ALKBH8: variants seen among roughly 807,000 people sequenced by gnomAD.
ALKBH8 encodes the protein alkB homolog 8, tRNA methyltransferase.
In ALKBH8, 36 loss-of-function variants were observed where a neutral mutation model predicts 59.8. The observed-to-expected ratio is 0.60, with a 90% CI of 0.46 to 0.79. The LOEUF is 0.79. Ranked by LOEUF, ALKBH8 falls within the 30% of genes least tolerant of loss-of-function variation. ALKBH8 has a pLI of 0.00. For synonymous variants in ALKBH8, 276 were observed against 273.6 expected (o/e 1.01, Z -0.09); for missense variants, 768 against 801.0 (o/e 0.96, Z 0.50).
intron 11 of ALKBH8, among the ~76,000 whole-genome samples, chr11:107,505,840 A>T (rs1862360729): frequency 6.6e-6 from 1 of 152,228 alleles, no homozygotes; most frequent in African/African-American, 2.4e-5. Context: ...TATGAGCAGA[A>T]TGCAGAGGCC....
rs1862300458 is a variant in ALKBH8, at chr11:107,504,681, ACC to A, written c.1970_1971del (p.Trp657LeufsTer31). On this transcript the variant is annotated frameshift_variant, in exon 12 of 12. Transcript: ENST00000428149. LOFTEE classifies it high-confidence loss of function. ...AATCAGGCCTTTTGAAGAATCACAC[ACC>A]AGTTTCCTTGATCGTAGTAGCTTTG... ...ILQSYYDQGN[W>X]CVILQKA 5.2e-6 allele frequency: 8 copies of A among 1,548,590 alleles called. No homozygotes were observed. The highest frequency in any genetic ancestry group is 3.5e-6 in the Non-Finnish European group (4 of 1,145,642).
chr11:107,533,624 GATTA>G (rs968634998), intron 7 of ALKBH8, among the ~76,000 whole-genome samples: 1 of 152,108 alleles, frequency 6.6e-6, no homozygotes, highest in African/African-American at 2.4e-5. Context: ...AAACACCGGA[GATTA>G]ATTCTGAAGT....
At chr11:107,565,380 G>A in intron 1 of ALKBH8, 2 of 610,044 alleles carry the variant, frequency 3.3e-6, no homozygotes, top group Non-Finnish European at 5.7e-6. Flanking sequence ...CCACGTGAGC[G>A]CCCGAACCAA....
At chr11:107,559,032 ATT>A (rs1328226037) in intron 2 of ALKBH8, among the ~76,000 whole-genome samples, 3 of 152,210 alleles carry the variant, frequency 2.0e-5, no homozygotes, top group African/African-American at 7.2e-5. Context: ...CATGGGGGCC[ATT>A]TCCCCTATAA....
At chr11:107,561,757 C>T (rs992331918) in intron 1 of ALKBH8, among the ~76,000 whole-genome samples, 10 of 152,086 alleles carry the variant, frequency 6.6e-5, no homozygotes, top group Non-Finnish European at 1.5e-4. Context: ...CCCAAGAGAG[C>T]AGGAATGCCA....
chr11:107,554,998 A>G (rs111374626), intron 3 of ALKBH8, among the ~76,000 whole-genome samples: 2,031 of 152,314 alleles, frequency 0.013, 39 homozygotes, highest in African/African-American at 0.046. Context: ...GGTGGCTCAC[A>G]CTTATAATCC....
intron 8 of ALKBH8, among the ~76,000 whole-genome samples, chr11:107,529,979 A>T (rs1469655793): frequency 6.6e-6 from 1 of 152,172 alleles, no homozygotes; most frequent in Non-Finnish European, 1.5e-5. Context: ...GCCCCCACCT[A>T]AAGAATGCTA....
At chr11:107,524,851 A>C (rs1231686870) in intron 9 of ALKBH8, among the ~76,000 whole-genome samples, 3 of 152,212 alleles carry the variant, frequency 2.0e-5, no homozygotes, top group Non-Finnish European at 4.4e-5. Flanking sequence ...ACAAAATATT[A>C]TTTACAAAAT....
chr11:107,542,286 C>T (rs1204267293), intron 7 of ALKBH8, among the ~76,000 whole-genome samples: 1 of 151,720 alleles, frequency 6.6e-6, no homozygotes, highest in Non-Finnish European at 1.5e-5. Context: ...AAAAATAAAA[C>T]AAAAGATAAA....
At chr11:107,530,100 T>C (rs1033284818) in intron 8 of ALKBH8, among the ~76,000 whole-genome samples, 1 of 152,204 alleles carries the variant, frequency 6.6e-6, no homozygotes, top group Non-Finnish European at 1.5e-5. Flanking sequence ...TGAAAACTCC[T>C]AATTTTTATA....
chr11:107,541,893 C>A (rs536920461), intron 7 of ALKBH8, among the ~76,000 whole-genome samples: 2 of 151,724 alleles, frequency 1.3e-5, no homozygotes, highest in Admixed American at 1.3e-4. Context: ...GGAACAGAAA[C>A]GATAAAAAAG....
chr11:107,538,921 A>G (rs1863928301), intron 7 of ALKBH8, among the ~76,000 whole-genome samples: 1 of 152,250 alleles, frequency 6.6e-6, no homozygotes, highest in South Asian at 2.1e-4. Flanking sequence ...TGTGATTCAT[A>G]GAGAATGATA....
intron 2 of ALKBH8, among the ~76,000 whole-genome samples, chr11:107,559,169 G>A (rs1215101902): frequency 1.3e-5 from 2 of 152,120 alleles, no homozygotes; most frequent in Non-Finnish European, 2.9e-5. Flanking sequence ...CTTCTGCCAC[G>A]ATTGTGAGGC....
At chr11:107,556,491 G>C (rs118135177) in intron 3 of ALKBH8, among the ~76,000 whole-genome samples, 1 of 152,278 alleles carries the variant, frequency 6.6e-6, no homozygotes, top group South Asian at 2.1e-4. Context: ...AATTAGGCAG[G>C]AGGGTTCCAA....
intron 1 of ALKBH8, chr11:107,565,156 C>T (rs757499275): frequency 1.7e-5 from 3 of 175,298 alleles, no homozygotes; most frequent in Non-Finnish European, 3.6e-5. Context: ...AACAGGCTGA[C>T]GCTACCAGAG....
At chr11:107,555,060 C>G (rs1864648576) in intron 3 of ALKBH8, among the ~76,000 whole-genome samples, 1 of 152,064 alleles carries the variant, frequency 6.6e-6, no homozygotes, top group Admixed American at 6.5e-5. Context: ...GAGATCAAGA[C>G]CATCCTGGCT....
At chr11:107,550,666 C>A (rs1372091220) in intron 6 of ALKBH8, among the ~76,000 whole-genome samples, 1 of 152,166 alleles carries the variant, frequency 6.6e-6, no homozygotes, top group Non-Finnish European at 1.5e-5. Flanking sequence ...AAATCTAAAG[C>A]CATCAGTTTT....
intron 7 of ALKBH8, among the ~76,000 whole-genome samples, chr11:107,545,947 C>T (rs499477): frequency 0.75 from 114,202 of 151,640 alleles, 44,140 homozygotes; most frequent in South Asian, 0.85. Flanking sequence ...AATAACACAA[C>T]AACGCACTCT....
Position 107,504,970 on chromosome 11 carries a change from A to AT in ALKBH8, c.1682dup (p.Asn561LysfsTer2). 6.4e-7 allele frequency: 1 copy of AT among 1,551,774 alleles called. No individual in the cohort carries two copies. ...AATTACATCCTCCTTCCTGAGAGTCATTAATGCGGGGGACAGAAGATGCCG... is the reference window on the plus strand; with the variant it reads ...AATTACATCCTCCTTCCTGAGAGTCATTTAATGCGGGGGACAGAAGATGCCG... On this transcript the variant is annotated frameshift_variant, in exon 12 of 12. Coordinates refer to ENST00000428149, the MANE Select transcript of ALKBH8 (RefSeq NM_138775.3). LOFTEE classifies it low-confidence loss of function (END_TRUNC).
Sources: allele counts gnomAD v4.1 joint callset (sites outside exome capture counted in the v4.1 genomes callset), GRCh38; gene constraint gnomAD v4.1.1; transcripts MANE v1.5; gene names NCBI Gene and HGNC (gene_info 2026-07-23, HGNC 2026-07-21).